FAAH2: variants seen among roughly 807,000 people sequenced by gnomAD.
The protein encoded by FAAH2 is fatty-acid amide hydrolase 2.
Under a neutral mutation model 36.9 loss-of-function variants are expected in FAAH2, and 60 were observed. That is an observed-to-expected ratio of 1.63 (90% CI 1.32 to 2.02). FAAH2 has a LOEUF of 2.02. Ranked by LOEUF, FAAH2 falls within the 30% of genes most tolerant of loss-of-function variation. The probability of loss-of-function intolerance (pLI) is 0.00; values close to 1 mark genes in which losing one functional copy is unlikely to be tolerated. For missense variants in FAAH2, 689 were observed against 397.5 expected, an observed-to-expected ratio of 1.73 and a Z score of -6.23; for synonymous variants, 214 against 143.8, an observed-to-expected ratio of 1.49 and a Z score of -3.49.
intron 4 of FAAH2, 108 bp downstream of exon 4, chrX:57,331,915 A>T: frequency 1.3e-6 from 1 of 776,587 alleles, no homozygotes; most frequent in Admixed American, 3.0e-5. Context: ...ATAAGAATGG[A>T]TGCAAAAACC....
At chrX:57,146,332 T>C in the FAAH2 span, among the ~76,000 whole-genome samples, 2 of 111,541 alleles carry the variant, frequency 1.8e-5, no homozygotes, top group Admixed American at 1.9e-4. Flanking sequence ...GTGGCAATTG[T>C]GAAAGGGATT....
intron 10 of FAAH2, among the ~76,000 whole-genome samples, chrX:57,479,969 G>A (rs1421761967): frequency 9.0e-6 from 1 of 111,719 alleles, no homozygotes; most frequent in Admixed American, 9.5e-5. Flanking sequence ...TACCATCAGA[G>A]AATACTACAA....
intron 4 of FAAH2, among the ~76,000 whole-genome samples, chrX:57,334,922 A>T (rs758387562): frequency 4.5e-5 from 5 of 111,805 alleles, no homozygotes; most frequent in African/African-American, 1.3e-4. Flanking sequence ...CACCCCACTG[A>T]AAATATCAGA....
chrX:57,294,473 G>C (rs2052074467), intron 2 of FAAH2, among the ~76,000 whole-genome samples: 1 of 111,625 alleles, frequency 9.0e-6, no homozygotes, highest in Non-Finnish European at 1.9e-5. Flanking sequence ...AAGATACCTA[G>C]GTGTACCCCT....
At chrX:57,245,163 A>G in the FAAH2 span, among the ~76,000 whole-genome samples, 1 of 112,226 alleles carries the variant, frequency 8.9e-6, no homozygotes, top group East Asian at 2.8e-4. Context: ...AAAGGGATCA[A>G]TGCAACAAGA....
the FAAH2 span, among the ~76,000 whole-genome samples, chrX:57,245,875 T>G: frequency 9.1e-6 from 1 of 110,259 alleles, no homozygotes; most frequent in Non-Finnish European, 1.9e-5. Context: ...ATAACTAAGA[T>G]CAGAGCAAAA....
chrX:57,466,526 A>T (rs1224000957), intron 10 of FAAH2, among the ~76,000 whole-genome samples: 1 of 109,739 alleles, frequency 9.1e-6, no homozygotes, highest in Non-Finnish European at 1.9e-5. Flanking sequence ...CAGGTATATA[A>T]ATACAACAAT....
chrX:57,332,575 C>T (rs1366106469), intron 4 of FAAH2, among the ~76,000 whole-genome samples: 3 of 111,804 alleles, frequency 2.7e-5, no homozygotes, highest in Non-Finnish European at 5.6e-5. Context: ...GGGGAACCAG[C>T]ACAGCTTTAG....
intron 10 of FAAH2, among the ~76,000 whole-genome samples, chrX:57,473,400 T>C (rs1042280097): frequency 4.5e-5 from 5 of 111,812 alleles, no homozygotes; most frequent in Admixed American, 2.9e-4. Context: ...AGACTTGATA[T>C]TATTTTACCT....
chrX:57,469,192 A>G (rs1414933286), intron 10 of FAAH2, among the ~76,000 whole-genome samples: 1 of 112,154 alleles, frequency 8.9e-6, no homozygotes, highest in Non-Finnish European at 1.9e-5. Context: ...TGCATCAACT[A>G]ACGAGCAAAA....
chrX:57,405,140 G>A (rs1052968224), intron 7 of FAAH2, among the ~76,000 whole-genome samples: 1 of 111,778 alleles, frequency 8.9e-6, no homozygotes, highest in Non-Finnish European at 1.9e-5. Flanking sequence ...GGACAGAATA[G>A]CAAGCAAAAG....
chrX:57,262,686 C>G, the FAAH2 span, among the ~76,000 whole-genome samples: 2 of 111,333 alleles, frequency 1.8e-5, no homozygotes, highest in African/African-American at 3.3e-5. Flanking sequence ...ACTAATAGCT[C>G]TAATTAATTT....
At chrX:57,163,404 T>C in the FAAH2 span, among the ~76,000 whole-genome samples, 16 of 112,069 alleles carry the variant, frequency 1.4e-4, no homozygotes, top group East Asian at 2.8e-4. Flanking sequence ...TCGAGCTTCC[T>C]GGCTGCTTTG....
chrX:57,459,692 A>G (rs2056924020), intron 10 of FAAH2, among the ~76,000 whole-genome samples: 1 of 112,245 alleles, frequency 8.9e-6, no homozygotes, highest in Non-Finnish European at 1.9e-5. Context: ...TGCTGGTGAT[A>G]CCCAGACAAA....
At chrX:57,305,069 T>TGC (rs2052483089) in intron 2 of FAAH2, among the ~76,000 whole-genome samples, 1 of 110,057 alleles carries the variant, frequency 9.1e-6, no homozygotes, top group Non-Finnish European at 1.9e-5. Context: ...ATTTTGTGTG[T>TGC]GTGTGTGTGT....
At chrX:57,467,322 G>T (rs1211022107) in intron 10 of FAAH2, among the ~76,000 whole-genome samples, 1 of 111,261 alleles carries the variant, frequency 9.0e-6, no homozygotes, top group African/African-American at 3.3e-5. Flanking sequence ...CCCAGGAAGT[G>T]CAAGGGGTCA....
At chrX:57,381,815 C>A (rs1382039106) in intron 7 of FAAH2, among the ~76,000 whole-genome samples, 1 of 111,170 alleles carries the variant, frequency 9.0e-6, no homozygotes, top group Admixed American at 9.6e-5. Context: ...CAGCTCTGCA[C>A]CAAGCAGACC....
At chrX:57,380,494 C>G (rs192304998) in intron 6 of FAAH2, among the ~76,000 whole-genome samples, 43 of 111,996 alleles carry the variant, frequency 3.8e-4, no homozygotes, top group Admixed American at 3.8e-3. Flanking sequence ...ACTGGATGAC[C>G]AAAATCAACC....
intron 3 of FAAH2, among the ~76,000 whole-genome samples, chrX:57,315,335 A>C (rs1367241390): frequency 9.0e-6 from 1 of 110,994 alleles, no homozygotes; most frequent in African/African-American, 3.3e-5. Flanking sequence ...CATACAAAAA[A>C]GAGATGCTAC....
Sources: allele counts gnomAD v4.1 joint callset (sites outside exome capture counted in the v4.1 genomes callset), GRCh38; gene constraint gnomAD v4.1.1; transcripts MANE v1.5; gene names NCBI Gene and HGNC (gene_info 2026-07-23, HGNC 2026-07-21).